The following UST variants were observed in gnomAD, a reference collection of about 807,000 sequenced individuals.
The protein encoded by UST is uronyl 2-sulfotransferase.
A neutral mutation model predicts 45.6 loss-of-function variants in UST; 21 were observed. The ratio of observed to expected loss-of-function variants is 0.46; its 90% confidence interval spans 0.33 to 0.66. The LOEUF is 0.66. UST is among the 30% of genes least tolerant of loss of function. UST has a pLI of 0.02. For synonymous variants in UST, 215 were observed against 200.6 expected (o/e 1.07, Z -0.61); for missense variants, 463 against 512.4 (o/e 0.90, Z 0.93).
At chr6:148,882,478 C>A (rs1308387517) in intron 1 of UST, among the ~76,000 whole-genome samples, 2 of 100,578 alleles carry the variant, frequency 2.0e-5, no homozygotes, top group African/African-American at 4.2e-5. Context: ...AAGAGCAAAA[C>A]TCCATCTCAA....
At chr6:148,914,877 A>G (rs1180061288) in intron 2 of UST, among the ~76,000 whole-genome samples, 2 of 152,358 alleles carry the variant, frequency 1.3e-5, no homozygotes, top group East Asian at 1.9e-4. Context: ...TCAGGCTTCT[A>G]TAACAAAATA....
chr6:148,990,739 A>G (rs951314875), intron 5 of UST, among the ~76,000 whole-genome samples: 1 of 152,224 alleles, frequency 6.6e-6, no homozygotes, highest in Non-Finnish European at 1.5e-5. Flanking sequence ...ACTTCTCTCT[A>G]AAACTACTCA....
intron 7 of UST, among the ~76,000 whole-genome samples, chr6:149,065,457 T>G (rs1402812879): frequency 6.6e-6 from 1 of 152,230 alleles, no homozygotes; most frequent in Admixed American, 6.5e-5. Flanking sequence ...AATTCTCTGC[T>G]TATTATACAA....
chr6:148,801,861 A>T (rs1777063167), intron 1 of UST, among the ~76,000 whole-genome samples: 1 of 152,016 alleles, frequency 6.6e-6, no homozygotes, highest in Non-Finnish European at 1.5e-5. Context: ...TGTCAGGTTG[A>T]CTCTGTCTGT....
chr6:149,058,401 G>A (rs115269207), intron 7 of UST, among the ~76,000 whole-genome samples: 2,341 of 151,750 alleles, frequency 0.015, 71 homozygotes, highest in African/African-American at 0.054. Flanking sequence ...GTGCGCGCGC[G>A]TGTGTCTGTG....
chr6:148,985,199 A>T (rs1282340929), intron 5 of UST, among the ~76,000 whole-genome samples: 2 of 152,228 alleles, frequency 1.3e-5, no homozygotes, highest in Non-Finnish European at 2.9e-5. Flanking sequence ...AGTTATCAGT[A>T]TCCAAAGAGA....
chr6:149,039,713 G>A (rs951132974), intron 7 of UST, among the ~76,000 whole-genome samples: 7 of 152,178 alleles, frequency 4.6e-5, no homozygotes, highest in Non-Finnish European at 7.3e-5. Context: ...AAAAAAGGAC[G>A]ACAGTGAGAA....
At chr6:149,035,302 A>G (rs941551341) in intron 7 of UST, among the ~76,000 whole-genome samples, 5 of 152,320 alleles carry the variant, frequency 3.3e-5, no homozygotes, top group African/African-American at 1.2e-4. Flanking sequence ...TCTAAAAATT[A>G]TAGACATTGG....
chr6:148,940,070 A>G lies in UST; in HGVS notation c.292-1209A>G, dbSNP rs191796856. ...GAATAGACATTTCTCCAAAGAAAAT[A>G]TACAAATGGCCAATAAGCACATGAA... On this transcript the variant is annotated intron_variant, in intron 2 of 7. Coordinates refer to ENST00000367463, the MANE Select transcript of UST (RefSeq NM_005715.3). Among the ~76,000 whole-genome samples, 7 of 152,354 alleles carry G rather than the reference A, an allele frequency of 4.6e-5. No homozygotes were observed. The East Asian group carries it at 1.3e-3, about 29-fold the overall frequency.
At position 149,076,724 on chromosome 6, in the gene UST, A is replaced by G. The variant is rs1360245278; in HGVS notation, c.*2608A>G. 6.6e-6 allele frequency: 1 copy of G among 152,658 alleles called. No homozygotes were observed. Among genetic ancestry groups the G allele is most frequent in the Non-Finnish European group, 1.5e-5 (1 of 68,042 alleles). 9.5% of individuals were successfully genotyped at this position (152,658 alleles called of 1,614,324 possible). A position where few individuals can be genotyped will look rare whatever the true frequency, so the allele number is the denominator to read the frequency against. ...TTGATCTTTGACTGTCTTATTTATT[A>G]TAACCTTTCAGCACATTCCAAGGTT... On this transcript the variant is annotated 3_prime_UTR_variant, in exon 8 of 8. Coordinates refer to ENST00000367463, the MANE Select transcript of UST (RefSeq NM_005715.3).
chr6:149,019,451 G>A (rs1197471243), intron 6 of UST, among the ~76,000 whole-genome samples: 2 of 152,134 alleles, frequency 1.3e-5, no homozygotes, highest in African/African-American at 4.8e-5. Flanking sequence ...GAGGCCTCAG[G>A]AGACCACCAT....
At chr6:148,993,436 T>C (rs1781391876) in intron 5 of UST, among the ~76,000 whole-genome samples, 1 of 151,206 alleles carries the variant, frequency 6.6e-6, no homozygotes, top group Non-Finnish European at 1.5e-5. Context: ...TAAACCAAAC[T>C]AGCATCCTTA....
intron 5 of UST, among the ~76,000 whole-genome samples, chr6:148,968,106 C>G (rs1780840065): frequency 6.6e-6 from 1 of 152,146 alleles, no homozygotes; most frequent in Non-Finnish European, 1.5e-5. Flanking sequence ...TGCTGTTTGC[C>G]CACTCAGACC....
intron 1 of UST, among the ~76,000 whole-genome samples, chr6:148,811,144 A>G (rs576283041): frequency 2.6e-5 from 4 of 152,168 alleles, no homozygotes; most frequent in Admixed American, 1.3e-4. Context: ...CTCATGATCT[A>G]TGGGTCAGCT....
intron 4 of UST, among the ~76,000 whole-genome samples, chr6:148,963,367 C>A (rs1780709119): frequency 6.6e-6 from 1 of 152,178 alleles, no homozygotes; most frequent in South Asian, 2.1e-4. Context: ...ATGCCCTCTG[C>A]CCAGAGACTG....
intron 2 of UST, among the ~76,000 whole-genome samples, chr6:148,928,470 A>G (rs773224063): frequency 6.6e-6 from 1 of 152,218 alleles, no homozygotes; most frequent in Non-Finnish European, 1.5e-5. Flanking sequence ...TTGAATAATG[A>G]TTTATTTTAT....
intron 2 of UST, among the ~76,000 whole-genome samples, chr6:148,897,646 T>G (rs1779162424): frequency 6.6e-6 from 1 of 150,572 alleles, no homozygotes; most frequent in Admixed American, 6.6e-5. Context: ...TGTGTGCCAC[T>G]ATGCCCAGCT....
intron 2 of UST, among the ~76,000 whole-genome samples, chr6:148,920,395 G>A (rs557661181): frequency 6.6e-6 from 1 of 152,176 alleles, no homozygotes; most frequent in Non-Finnish European, 1.5e-5. Context: ...CCTCCACACT[G>A]GCCAATGTGG....
At chr6:149,038,174 C>A (rs1048185595) in intron 7 of UST, among the ~76,000 whole-genome samples, 1 of 151,912 alleles carries the variant, frequency 6.6e-6, no homozygotes, top group African/African-American at 2.4e-5. Flanking sequence ...TTCACTTGTT[C>A]ACATCTCTGT....
Sources: gnomAD v4.1 joint callset for allele counts (sites outside exome capture counted in the v4.1 genomes callset) on GRCh38, gnomAD v4.1.1 for gene constraint, MANE v1.5 for transcripts, NCBI Gene and HGNC (gene_info 2026-07-23, HGNC 2026-07-21) for gene names.